Variants in PKDREJ observed in about 807,000 individuals in gnomAD.
PKDREJ encodes polycystin family receptor for egg jelly.
For missense variants in PKDREJ, 2,507 were observed against 2,807.2 expected (o/e 0.89, Z 2.42); for synonymous variants, 1,031 against 1,095.5 (o/e 0.94, Z 1.16).
rs1260339798 is a variant in PKDREJ at position 46,257,016 on chromosome 22, A to T, written c.6307T>A (p.Tyr2103Asn). ...AFVVSVYFFVYMAFGYLVFGQ... is the reference protein window; with the variant it reads ...AFVVSVYFFVNMAFGYLVFGQ... Reference sequence around the variant, plus strand: ...AACACCAGGTAACCAAAAGCCATGTATACGAAGAAATACACGGACACAACA... The same window carrying T: ...AACACCAGGTAACCAAAAGCCATGTTTACGAAGAAATACACGGACACAACA... Residue 2103 changes from tyrosine to asparagine, a missense_variant, in exon 1 of 1, where the codon TAC becomes AAC. Transcript: ENST00000253255. The surrounding 1 kb of genome is among the most constrained non-coding windows in gnomAD (Gnocchi z 4.7). 6.2e-7 allele frequency: 1 copy of T among 1,614,032 alleles called. No individual in the cohort carries two copies.
In PKDREJ at chr22:46,259,628, T is replaced by G; in HGVS notation, c.3695A>C (p.Tyr1232Ser). 6.2e-7 allele frequency: 1 copy of G among 1,614,144 alleles called. No individual in the cohort carries two copies. The highest frequency in any genetic ancestry group is 8.5e-7 in the Non-Finnish European group (1 of 1,180,010). Residue 1232 changes from tyrosine (Y) to serine (S), a missense_variant, in exon 1 of 1, where the codon TAC becomes TCC. By Grantham distance (144) the Tyr-to-Ser change is moderately radical. Coordinates refer to ENST00000253255, the MANE Select transcript of PKDREJ (RefSeq NM_006071.2). The surrounding 1 kb of genome is among the most constrained non-coding windows in gnomAD (Gnocchi z 6.8). ...ACTTCCTGTAAAAATAGTCACCAAG[T>G]AGCATAAATTATCATAAGGATCATT... ...PDNDPYDNLC[Y>S]LVTIFTGSRW...
In PKDREJ at chr22:46,257,191, A is replaced by G; in HGVS notation, c.6132T>C (p.Ser2044=). ...PEDFIPFHAV[S]QVDHIMRIIL... is the part of the protein sequence containing the mutation. ...TTATCCTCATAATGTGATCTACCTGAGAAACTGCATGAAAGGGAATGAAGT... is the reference window on the plus strand; with the variant it reads ...TTATCCTCATAATGTGATCTACCTGGGAAACTGCATGAAAGGGAATGAAGT... The change falls in exon 1 of 1, where the codon TCT becomes TCC. Residue 2044 remains serine, a synonymous_variant. Transcript: ENST00000253255. The surrounding 1 kb of genome is among the most constrained non-coding windows in gnomAD (Gnocchi z 4.7). The G allele has an allele frequency of 6.2e-7, 1 of 1,614,046 alleles. No individual in the cohort carries two copies.
chr22:46,256,780 G>C lies in PKDREJ; in HGVS notation c.6543C>G (p.Pro2181=). ...ILSAYEEMKQ[P]VYEEPSDEVE... is the part of the protein sequence containing the mutation. Reference sequence around the variant, plus strand: ...CTTCATCCGATGGCTCCTCATACACGGGCTGCTTCATTTCCTCATATGCAG... The same window carrying C: ...CTTCATCCGATGGCTCCTCATACACCGGCTGCTTCATTTCCTCATATGCAG... The change falls in exon 1 of 1, where the codon CCC becomes CCG. Residue 2181 remains proline (P), a synonymous_variant. Coordinates refer to ENST00000253255, the MANE Select transcript of PKDREJ (RefSeq NM_006071.2). The surrounding 1 kb of genome is among the most constrained non-coding windows in gnomAD (Gnocchi z 5.3). 6.2e-7 allele frequency: 1 copy of C among 1,613,956 alleles called. No individual in the cohort carries two copies. Among genetic ancestry groups the C allele is most frequent in the Non-Finnish European group, 8.5e-7 (1 of 1,180,036 alleles).
Position 46,262,729 on chromosome 22 carries a change from C to T in PKDREJ, c.594G>A (p.Ser198=). Residue 198 remains serine (S), a synonymous_variant, in exon 1 of 1, where the codon TCG becomes TCA. Transcript: ENST00000253255. This position sits in a 1 kb window ranked among gnomAD's most constrained non-coding sequence, Gnocchi z 8.1. ...PARVMLQAVN[S]SSHRAVESSV... is the part of the protein sequence containing the mutation. ...ACGACTCGACGGCTCTGTGGCTGGA[C>T]GAGTTGACGGCCTGCAACATCACGC... 2.5e-6 allele frequency: 4 copies of T among 1,609,040 alleles called. No homozygotes were observed. The highest frequency in any genetic ancestry group is 3.4e-5 in the Admixed American group (2 of 59,378).
Position 46,263,131 on chromosome 22 carries a change from C to T in PKDREJ, c.192G>A (p.Val64=). 8.1e-7 allele frequency: 1 copy of T among 1,234,804 alleles called. No individual in the cohort carries two copies. Among genetic ancestry groups the T allele is most frequent in the South Asian group, 2.7e-5 (1 of 37,428 alleles). 76.5% of individuals were successfully genotyped at this position (1,234,804 alleles called of 1,614,324 possible). Residue 64 remains valine (V), a synonymous_variant, in exon 1 of 1, where the codon GTG becomes GTA. Coordinates refer to ENST00000253255, the MANE Select transcript of PKDREJ (RefSeq NM_006071.2). This position sits in a 1 kb window ranked among gnomAD's most constrained non-coding sequence, Gnocchi z 9.4. ...CGCTCAGGACAGCGCCGCCCGCCCG[C>T]ACCGCGCTGGGCCGCAGACTGAGGA... The part of the protein sequence containing the change: ...RALLSLRPSA[V]RAGGAVLSGR...
chr22:46,259,123 A>G lies in PKDREJ; in HGVS notation c.4200T>C (p.Ser1400=), dbSNP rs199689756. The change falls in exon 1 of 1, where the codon TCT becomes TCC. Residue 1400 remains serine (S), a synonymous_variant. Coordinates refer to ENST00000253255, the MANE Select transcript of PKDREJ (RefSeq NM_006071.2). The surrounding 1 kb of genome is among the most constrained non-coding windows in gnomAD (Gnocchi z 6.8). ...TAAAGAACATAATGTTACAAAGAAG[A>G]GAGCTAAGCAACATTGCTAAACAAC... The part of the protein sequence containing the change: ...LSCCLAMLLS[S]LLCNIMFFNL... The G allele has an allele frequency of 4.3e-6, 7 of 1,613,904 alleles. No homozygotes were observed. In the African/African-American group the frequency reaches 9.3e-5, roughly 22 times the overall value.
Position 46,256,910 on chromosome 22 carries a change from TTC to T in PKDREJ, c.6411_6412del (p.Asn2138HisfsTer2). 1 of 1,614,020 alleles carries T rather than the reference TTC, an allele frequency of 6.2e-7. No homozygotes were observed. Among genetic ancestry groups the T allele is most frequent in the Non-Finnish European group, 8.5e-7 (1 of 1,180,016 alleles). ...AATCCTGTTATTGGAAAATTCAGTG[TTC>T]TGGAAAGCTGAGACACAATAGGAAA... is the stretch of plus-strand genomic sequence containing the variant. On this transcript the variant is annotated frameshift_variant, in exon 1 of 1. Coordinates refer to ENST00000253255, the MANE Select transcript of PKDREJ (RefSeq NM_006071.2). LOFTEE classifies it low-confidence loss of function (END_TRUNC). This position sits in a 1 kb window ranked among gnomAD's most constrained non-coding sequence, Gnocchi z 5.3.
At position 46,263,184 on chromosome 22, in the gene PKDREJ, C is replaced by T; in HGVS notation, c.139G>A (p.Gly47Ser). Residue 47 changes from glycine (G) to serine (S), a missense_variant, in exon 1 of 1, where the codon GGC becomes AGC. Physicochemically the swap from Gly to Ser is moderately conservative, Grantham distance 56. Coordinates refer to ENST00000253255, the MANE Select transcript of PKDREJ (RefSeq NM_006071.2). The surrounding 1 kb of genome is among the most constrained non-coding windows in gnomAD (Gnocchi z 9.4). ...APGGLLRGAP[G>S]LGVRGGRALL... ...GCGCGGCCGCCGCGCACCCCGAGGC[C>T]CGGGGCGCCCCTGAGGAGGCCACCG... 7.7e-7 allele frequency: 1 copy of T among 1,301,738 alleles called. No homozygotes were observed. Among genetic ancestry groups the T allele is most frequent in the Non-Finnish European group, 9.7e-7 (1 of 1,029,678 alleles). The allele number at this position is 1,301,738 out of a possible 1,614,324, so 80.6% of individuals were successfully genotyped here.
At position 46,256,403 on chromosome 22, in the gene PKDREJ, AG is replaced by A; in HGVS notation, c.*157del. 7.8e-7 allele frequency: 1 copy of A among 1,275,684 alleles called. No homozygotes were observed. Among genetic ancestry groups the A allele is most frequent in the South Asian group, 1.5e-5 (1 of 67,756 alleles). 79.0% of individuals were successfully genotyped at this position (1,275,684 alleles called of 1,614,324 possible). A position where few individuals can be genotyped will look rare whatever the true frequency, so the allele number is the denominator to read the frequency against. On this transcript the variant is annotated 3_prime_UTR_variant, in exon 1 of 1. Transcript: ENST00000253255. This position sits in a 1 kb window ranked among gnomAD's most constrained non-coding sequence, Gnocchi z 5.3. ...CCAACTTTTACACTCCCAAGAGCAG[AG>A]GACAAGATTGGGGATTCTTCCAAAT...
In PKDREJ at chr22:46,259,090, A is replaced by C. The variant is rs371724496; in HGVS notation, c.4233T>G (p.Asn1411Lys). 173 of 1,613,184 alleles carry C rather than the reference A, an allele frequency of 1.1e-4. No individual in the cohort carries two copies. In the South Asian group the frequency reaches 1.8e-3, roughly 17 times the overall value. ...LLCNIMFFNL[N>K]RQEQTESRER... ...CTCTTGACTCAGTTTGTTCTTGTCT[A>C]TTTAGATTAAAGAACATAATGTTAC... is the stretch of plus-strand genomic sequence containing the variant. The change falls in exon 1 of 1, where the codon AAT (asparagine) becomes AAG (lysine). Residue 1411 changes from asparagine to lysine, a missense_variant. Physicochemically the swap from Asn to Lys is moderately conservative, Grantham distance 94. Coordinates refer to ENST00000253255, the MANE Select transcript of PKDREJ (RefSeq NM_006071.2). This position sits in a 1 kb window ranked among gnomAD's most constrained non-coding sequence, Gnocchi z 6.8.
Position 46,259,703 on chromosome 22 carries a change from CT to C in PKDREJ, c.3619del (p.Arg1207GlyfsTer12), listed in dbSNP as rs780214696. 6 of 1,614,142 alleles carry C rather than the reference CT, an allele frequency of 3.7e-6. No individual in the cohort carries two copies. In the East Asian group the frequency reaches 1.3e-4, roughly 36 times the overall value. On this transcript the variant is annotated frameshift_variant, in exon 1 of 1. Transcript: ENST00000253255. LOFTEE classifies it low-confidence loss of function (END_TRUNC). The surrounding 1 kb of genome is among the most constrained non-coding windows in gnomAD (Gnocchi z 6.8). Reference sequence around the variant, plus strand: ...CCGAAGATGCTGGTCCATTTCATCCCTGTATAAAGCCCAAAAAGCTAGGCCC... The same window carrying C: ...CCGAAGATGCTGGTCCATTTCATCCCGTATAAAGCCCAAAAAGCTAGGCCC... ...YVGLAFWALYRDEMDQHLRGH... is the reference protein window; with the variant it reads ...YVGLAFWALYXDEMDQHLRGH...
Position 46,260,958 on chromosome 22 carries a change from G to T in PKDREJ, c.2365C>A (p.Gln789Lys), listed in dbSNP as rs967189497. 1.9e-6 allele frequency: 3 copies of T among 1,614,206 alleles called. No individual in the cohort carries two copies. Among genetic ancestry groups the T allele is most frequent in the Middle Eastern group, 1.6e-4 (1 of 6,062 alleles). ...CGTTTATCTTTTTGCTGATACTCTTGTAGGGCTTGATTTGCTTGCCATACC... is the reference window on the plus strand; with the variant it reads ...CGTTTATCTTTTTGCTGATACTCTTTTAGGGCTTGATTTGCTTGCCATACC... ...MRVWQANQALQEYQQKDKRFR... is the reference protein window; with the variant it reads ...MRVWQANQALKEYQQKDKRFR... Residue 789 changes from glutamine to lysine, a missense_variant, in exon 1 of 1, where the codon CAA (glutamine) becomes AAA (lysine). Gln to Lys is a moderately conservative substitution (Grantham distance 53, BLOSUM62 1). Coordinates refer to ENST00000253255, the MANE Select transcript of PKDREJ (RefSeq NM_006071.2). The surrounding 1 kb of genome is among the most constrained non-coding windows in gnomAD (Gnocchi z 4.5).
chr22:46,260,096 G>C lies in PKDREJ; in HGVS notation c.3227C>G (p.Thr1076Ser). The C allele has an allele frequency of 6.2e-7, 1 of 1,613,916 alleles. No individual in the cohort carries two copies. The highest frequency in any genetic ancestry group is 8.5e-7 in the Non-Finnish European group (1 of 1,179,890). Reference sequence around the variant, plus strand: ...AGGTGCCTGCAGAACTATGGATACAGTACAGTGGGGAGAGTGGCTGTGCTG... The same window carrying C: ...AGGTGCCTGCAGAACTATGGATACACTACAGTGGGGAGAGTGGCTGTGCTG... ...IAQHSHSPHC[T>S]VSIVLQAPRF... Residue 1076 changes from threonine to serine, a missense_variant, in exon 1 of 1, where the codon ACT becomes AGT. Transcript: ENST00000253255. This position sits in a 1 kb window ranked among gnomAD's most constrained non-coding sequence, Gnocchi z 4.5.
Position 46,259,409 on chromosome 22 carries a change from C to T in PKDREJ, c.3914G>A (p.Arg1305Gln), listed in dbSNP as rs760259232. ...TCTACTTAAATACCAGCTAGGCGAT[C>T]GACCCTCGTTGTTGTGCCACACACG... is the stretch of plus-strand genomic sequence containing the variant. Reference protein sequence around the residue: ...SIRVWHNNEGRSPSWYLSRIK... With the variant: ...SIRVWHNNEGQSPSWYLSRIK... Residue 1305 changes from arginine (R) to glutamine (Q), a missense_variant, in exon 1 of 1, where the codon CGA becomes CAA. Transcript: ENST00000253255. This position sits in a 1 kb window ranked among gnomAD's most constrained non-coding sequence, Gnocchi z 6.8. The T allele has an allele frequency of 1.9e-5, 31 of 1,614,192 alleles. No individual in the cohort carries two copies. In the East Asian group the frequency reaches 4.9e-4, roughly 26 times the overall value.
rs768741818 is a variant in PKDREJ, at chr22:46,261,157, A to C, written c.2166T>G (p.Thr722=). Reference sequence around the variant, plus strand: ...CTCTGTCATCTCGGAGAGGTAATTCAGTTTTCATGTTATTCAAAACGGAAG... The same window carrying C: ...CTCTGTCATCTCGGAGAGGTAATTCCGTTTTCATGTTATTCAAAACGGAAG... ...IVASVLNNMK[T]ELPLRDDRVN... The change falls in exon 1 of 1, where the codon ACT becomes ACG. Residue 722 remains threonine (T), a synonymous_variant. Transcript: ENST00000253255. This position sits in a 1 kb window ranked among gnomAD's most constrained non-coding sequence, Gnocchi z 7.1. 6.2e-7 allele frequency: 1 copy of C among 1,614,166 alleles called. No individual in the cohort carries two copies. Among genetic ancestry groups the C allele is most frequent in the South Asian group, 1.1e-5 (1 of 91,092 alleles).
At position 46,257,992 on chromosome 22, in the gene PKDREJ, A is replaced by G. The variant is rs151109602; in HGVS notation, c.5331T>C (p.Asn1777=). The part of the protein sequence containing the change: ...VLLPLLHNDL[N]PTFLPESSSK... ...ACGAGCTTTCAGGAAGAAATGTTGG[A>G]TTCAGGTCATTGTGTAACAAAGGCA... The change falls in exon 1 of 1, where the codon AAT becomes AAC. Residue 1777 remains asparagine (N), a synonymous_variant. Transcript: ENST00000253255. This position sits in a 1 kb window ranked among gnomAD's most constrained non-coding sequence, Gnocchi z 4.7. 3.7e-6 allele frequency: 6 copies of G among 1,614,102 alleles called. No individual in the cohort carries two copies. The highest frequency in any genetic ancestry group is 5.1e-6 in the Non-Finnish European group (6 of 1,180,014).
rs780008622 is a variant in PKDREJ at position 46,262,344 on chromosome 22, C to T, written c.979G>A (p.Val327Ile). ...GAACTCCTGACGATCCAGACATAGACGGCGTCCGAGTCTTTCACCTCGGGC... is the reference window on the plus strand; with the variant it reads ...GAACTCCTGACGATCCAGACATAGATGGCGTCCGAGTCTTTCACCTCGGGC... ...KMPEVKDSDA[V>I]YVWIVRSSLQ... Residue 327 changes from valine (V) to isoleucine (I), a missense_variant, in exon 1 of 1, where the codon GTC (valine) becomes ATC (isoleucine). By Grantham distance (29) the Val-to-Ile change is conservative. Coordinates refer to ENST00000253255, the MANE Select transcript of PKDREJ (RefSeq NM_006071.2). This position sits in a 1 kb window ranked among gnomAD's most constrained non-coding sequence, Gnocchi z 8.1. 6.2e-7 allele frequency: 1 copy of T among 1,614,204 alleles called. No individual in the cohort carries two copies.
Position 46,260,440 on chromosome 22 carries a change from A to G in PKDREJ, c.2883T>C (p.Phe961=). 6.2e-7 allele frequency: 1 copy of G among 1,614,216 alleles called. No individual in the cohort carries two copies. Among genetic ancestry groups the G allele is most frequent in the Non-Finnish European group, 8.5e-7 (1 of 1,180,032 alleles). ...GTCCCACTGTGAGATTAAAAGCTGC[A>G]AAGGTCAAGTTTTTCCTGACAAGGT... ...EVYLVRKNLT[F]AAFNLTVGPN... Residue 961 remains phenylalanine (F), a synonymous_variant, in exon 1 of 1, where the codon TTT becomes TTC. Transcript: ENST00000253255. The surrounding 1 kb of genome is among the most constrained non-coding windows in gnomAD (Gnocchi z 4.5).
Position 46,257,313 on chromosome 22 carries a change from CA to C in PKDREJ, c.6009del (p.Phe2003LeufsTer3). 5 of 1,613,996 alleles carry C rather than the reference CA, an allele frequency of 3.1e-6. No homozygotes were observed. The highest frequency in any genetic ancestry group is 4.2e-6 in the Non-Finnish European group (5 of 1,180,012). ...YVRSVYNLLN[F>X]ALKCIFTVLI... is the part of the protein sequence containing the mutation. ...AACACAGTAAATATGCACTTTAAAG[CA>C]AAGTTGAGCAAATTATACACACTTC... On this transcript the variant is annotated frameshift_variant, in exon 1 of 1. Transcript: ENST00000253255. LOFTEE classifies it low-confidence loss of function (END_TRUNC). This position sits in a 1 kb window ranked among gnomAD's most constrained non-coding sequence, Gnocchi z 4.7.
Sources: gnomAD v4.1 joint callset for allele counts on GRCh38, gnomAD v4.1.1 for gene constraint, Gnocchi (gnomAD v3.1) non-coding constraint, MANE v1.5 for transcripts, NCBI Gene and HGNC (gene_info 2026-07-23, HGNC 2026-07-21) for gene names.